Variants in IGFBP7 observed in about 807,000 individuals in gnomAD.
IGFBP7 encodes insulin like growth factor binding protein 7.
IGFBP7 carries 31 observed loss-of-function variants against 29.4 expected under a neutral mutation model. The ratio of observed to expected loss-of-function variants is 1.05; its 90% CI spans 0.79 to 1.42. The LOEUF (loss-of-function observed/expected upper bound fraction) is 1.42. IGFBP7 is among the 40% of genes most tolerant of loss of function. The probability of loss-of-function intolerance (pLI) is 0.00; values close to 1 mark genes in which losing one functional copy is unlikely to be tolerated. For missense variants in IGFBP7, 393 were observed against 395.5 expected, an observed-to-expected ratio of 0.99 and a Z score of 0.05; for synonymous variants, 172 against 174.9, an observed-to-expected ratio of 0.98 and a Z score of 0.13.
intron 1 of IGFBP7, among the ~76,000 whole-genome samples, chr4:57,083,986 G>C (rs544857418): frequency 2.0e-5 from 3 of 152,216 alleles, no homozygotes; most frequent in African/African-American, 7.2e-5. Flanking sequence ...CCATTACTTT[G>C]TGTGAAAAGC....
intron 1 of IGFBP7, among the ~76,000 whole-genome samples, chr4:57,053,239 A>G (rs1041247036): frequency 2.0e-5 from 3 of 151,722 alleles, no homozygotes; most frequent in African/African-American, 7.3e-5. Flanking sequence ...CTGATCTCGA[A>G]CTCCTGACCT....
Position 57,032,431 on chromosome 4 carries a change from T to G in IGFBP7, c.824A>C (p.Lys275Thr). The G allele has an allele frequency of 6.2e-7, 1 of 1,613,938 alleles. No individual in the cohort carries two copies. Among genetic ancestry groups the G allele is most frequent in the Non-Finnish European group, 8.5e-7 (1 of 1,179,832 alleles). ...CTGTGAGATTTATTGTGTACCTTTT[T>G]TCACTGGTATTTCATGTAAGGCATC... ...VVDALHEIPV[K>T]KGEGAEL The change falls in exon 4 of 5, where the codon AAA becomes ACA. Residue 275 changes from lysine (K) to threonine (T), a missense_variant. Transcript: ENST00000295666.
chr4:57,045,657 C>G (rs1229077286), intron 1 of IGFBP7, among the ~76,000 whole-genome samples: 1 of 152,026 alleles, frequency 6.6e-6, no homozygotes, highest in Non-Finnish European at 1.5e-5. Flanking sequence ...TACCTATTTA[C>G]TAAGCTCTGA....
intron 1 of IGFBP7, among the ~76,000 whole-genome samples, chr4:57,056,312 G>A (rs538435227): frequency 5.3e-5 from 8 of 152,036 alleles, no homozygotes; most frequent in Non-Finnish European, 1.0e-4. Flanking sequence ...CTCTAGTGTC[G>A]TCCCTAAGGC....
At chr4:57,050,804 C>T (rs1233591112) in intron 1 of IGFBP7, among the ~76,000 whole-genome samples, 4 of 151,778 alleles carry the variant, frequency 2.6e-5, no homozygotes, top group Non-Finnish European at 4.4e-5. Context: ...GTGATCCTCC[C>T]TCCTCGGCCT....
intron 1 of IGFBP7, among the ~76,000 whole-genome samples, chr4:57,048,531 T>C (rs1200403438): frequency 2.0e-5 from 3 of 152,250 alleles, no homozygotes; most frequent in Non-Finnish European, 4.4e-5. Flanking sequence ...CAGAAGAATT[T>C]AAGAAAGGCA....
intron 1 of IGFBP7, among the ~76,000 whole-genome samples, chr4:57,076,739 A>G (rs775882139): frequency 5.3e-5 from 8 of 152,236 alleles, no homozygotes; most frequent in Non-Finnish European, 1.0e-4. Context: ...AAGGGAAGCC[A>G]TGTCAGAGAA....
At chr4:57,050,427 T>A (rs1276804846) in intron 1 of IGFBP7, among the ~76,000 whole-genome samples, 4 of 151,844 alleles carry the variant, frequency 2.6e-5, no homozygotes, top group African/African-American at 9.7e-5. Context: ...GTATTTTTAG[T>A]AGAGATGGGG....
Position 57,039,643 on chromosome 4 carries a change from C to CTTTTTTTTTTT in IGFBP7, c.585+1170_585+1180dup, listed in dbSNP as rs10716496. Among the ~76,000 whole-genome samples, 2 of 128,672 alleles carry CTTTTTTTTTTT rather than the reference C, an allele frequency of 1.6e-5. 1 individual carries two copies. 84.4% of individuals were successfully genotyped at this position (128,672 alleles called of 152,430 possible). On this transcript the variant is annotated intron_variant, in intron 2 of 4. Coordinates refer to ENST00000295666, the MANE Select transcript of IGFBP7 (RefSeq NM_001553.3). ...CCACCCTGGCTAAGGAATTCACACT[C>CTTTTTTTTTTT]TTTTTTTTTTTTTTTTTTTTGAGAC...
At chr4:57,057,017 T>C (rs1724690445) in intron 1 of IGFBP7, among the ~76,000 whole-genome samples, 1 of 152,190 alleles carries the variant, frequency 6.6e-6, no homozygotes, top group Non-Finnish European at 1.5e-5. Flanking sequence ...TTTTTTTTTC[T>C]TTTTTTGAGA....
chr4:57,049,351 G>C (rs1185248358), intron 1 of IGFBP7, among the ~76,000 whole-genome samples: 2 of 151,888 alleles, frequency 1.3e-5, no homozygotes, highest in East Asian at 3.9e-4. Context: ...TTTTTGCTTC[G>C]TTGCTTTCTC....
At chr4:57,042,360 A>ATT (rs113145651) in intron 1 of IGFBP7, among the ~76,000 whole-genome samples, 19 of 151,890 alleles carry the variant, frequency 1.3e-4, no homozygotes, top group African/African-American at 4.4e-4. Flanking sequence ...GAAAAATTTT[A>ATT]TTTTTTTGAG....
chr4:57,036,866 G>T (rs867948293), intron 2 of IGFBP7, among the ~76,000 whole-genome samples: 5 of 152,200 alleles, frequency 3.3e-5, no homozygotes, highest in Middle Eastern at 3.4e-3. Flanking sequence ...TATCCAAAAA[G>T]GTGTTCTACT....
At chr4:57,054,028 G>A (rs1056898815) in intron 1 of IGFBP7, among the ~76,000 whole-genome samples, 1 of 151,934 alleles carries the variant, frequency 6.6e-6, no homozygotes, top group African/African-American at 2.4e-5. Flanking sequence ...CTTTTCTTGG[G>A]ATGAGATCTT....
rs1358042263 is a variant in IGFBP7, at chr4:57,032,491, C to T, written c.764G>A (p.Gly255Glu). Reference protein sequence around the residue: ...EYECHASNSQGQASASAKITV... With the variant: ...EYECHASNSQEQASASAKITV... ...AATTTTTGCTGATGCTGAAGCCTGT[C>T]CTTGGGAATTGGATGCATGGCACTC... Residue 255 changes from glycine to glutamate, a missense_variant, in exon 4 of 5, where the codon GGA (glycine) becomes GAA (glutamate). By Grantham distance (98) the Gly-to-Glu change is moderately conservative. Coordinates refer to ENST00000295666, the MANE Select transcript of IGFBP7 (RefSeq NM_001553.3). 6.2e-7 allele frequency: 1 copy of T among 1,613,900 alleles called. No individual in the cohort carries two copies. The highest frequency in any genetic ancestry group is 8.5e-7 in the Non-Finnish European group (1 of 1,179,962).
chr4:57,070,173 A>G (rs1407133903), intron 1 of IGFBP7, among the ~76,000 whole-genome samples: 2 of 152,228 alleles, frequency 1.3e-5, no homozygotes, highest in East Asian at 3.8e-4. Context: ...ATCTTAAGTG[A>G]GTCTTTCCTC....
At chr4:57,053,263 C>A (rs67564729) in intron 1 of IGFBP7, among the ~76,000 whole-genome samples, 3 of 151,858 alleles carry the variant, frequency 2.0e-5, no homozygotes, top group Non-Finnish European at 1.5e-5. Context: ...GTGATCTGCC[C>A]GCTTCGGGCT....
rs553250802 is a variant in IGFBP7, at chr4:57,053,881, C to T, written c.476-12948G>A. Among the ~76,000 whole-genome samples, 30 of 152,218 alleles carry T rather than the reference C, an allele frequency of 2.0e-4. 1 individual carries two copies. Among genetic ancestry groups the T allele is most frequent in the Non-Finnish European group, 3.7e-4 (25 of 68,006 alleles). On this transcript the variant is annotated intron_variant, in intron 1 of 4. Transcript: ENST00000295666. ...ACAAGATATTAAATGTTTTTGCTAG[C>T]GCTTTCTTATTCTGCAAGCACTGAA...
chr4:57,110,142 C>G lies in IGFBP7; in HGVS notation c.210G>C (p.Pro70=), dbSNP rs1479573687. The change falls in exon 1 of 5, where the codon CCG becomes CCC. Residue 70 remains proline (P), a synonymous_variant. Transcript: ENST00000295666. ...CCCTGCCGGCGCCGCCACCCCCGCA[C>G]GGCTCGCCCTCGCCGCGGGCGCACA... ...CPMCARGEGE[P]CGGGGAGRGY... 4 of 1,485,430 alleles carry G rather than the reference C, an allele frequency of 2.7e-6. No homozygotes were observed. Among genetic ancestry groups the G allele is most frequent in the Non-Finnish European group, 3.6e-6 (4 of 1,125,432 alleles). 92.0% of individuals were successfully genotyped at this position (1,485,430 alleles called of 1,614,324 possible).
Sources: allele counts gnomAD v4.1 joint callset (sites outside exome capture counted in the v4.1 genomes callset), GRCh38; gene constraint gnomAD v4.1.1; transcripts MANE v1.5; gene names NCBI Gene and HGNC (gene_info 2026-07-23, HGNC 2026-07-21).